Variants in ATR observed in about 807,000 individuals in gnomAD.
ATR encodes ATR checkpoint kinase.
ATR carries 142 observed loss-of-function variants against 305.3 expected under a neutral mutation model. The ratio of observed to expected loss-of-function variants is 0.47; its 90% CI spans 0.41 to 0.53. ATR has a LOEUF of 0.53. Ranked by LOEUF, ATR falls within the 20% of genes least tolerant of loss-of-function variation. ATR has a pLI of 0.00. For synonymous variants in ATR, 1,050 were observed against 1,068.1 expected (o/e 0.98, Z 0.33); for missense variants, 2,135 against 3,133.1 (o/e 0.68, Z 7.60).
intron 30 of ATR, among the ~76,000 whole-genome samples, chr3:142,500,290 AAACTACTTTCAGTT>A (rs1341260478): frequency 6.6e-6 from 1 of 152,208 alleles, no homozygotes; most frequent in Non-Finnish European, 1.5e-5. Context: ...ACCTATTTTT[AAACTACTTTCAGTT>A]AGTTTAAAAT....
In ATR at chr3:142,505,119, C is replaced by G. The variant is rs913030619; in HGVS notation, c.5196+20G>C. ...TTCAGGGCTATTTTCATTACAGTTG[C>G]CTTTCAATTATTATCTTACCTGGTC... On this transcript the variant is annotated intron_variant, in intron 29 of 46. Transcript: ENST00000350721. 1 of 1,613,534 alleles carries G rather than the reference C, an allele frequency of 6.2e-7. No homozygotes were observed. Among genetic ancestry groups the G allele is most frequent in the Non-Finnish European group, 8.5e-7 (1 of 1,179,566 alleles).
intron 10 of ATR, among the ~76,000 whole-genome samples, chr3:142,554,611 T>C (rs182801791): frequency 3.9e-5 from 6 of 152,302 alleles, no homozygotes; most frequent in Admixed American, 3.9e-4. Flanking sequence ...CATTATATGT[T>C]ACCAAGATAA....
Position 142,542,646 on chromosome 3 carries a change from T to G in ATR, c.3450+19A>C, listed in dbSNP as rs780601331. On this transcript the variant is annotated intron_variant, in intron 17 of 46. Coordinates refer to ENST00000350721, the MANE Select transcript of ATR (RefSeq NM_001184.4). ...CTGTATGAATTCTATCTTAGCACTC[T>G]GGAACTATCACCACTTACCATTTTC... is the stretch of plus-strand genomic sequence containing the variant. 2.5e-6 allele frequency: 4 copies of G among 1,590,452 alleles called. No individual in the cohort carries two copies. The South Asian group carries it at 3.3e-5, about 13-fold the overall frequency.
At chr3:142,465,855 A>G in intron 40 of ATR, 1 of 171,394 alleles carries the variant, frequency 5.8e-6, no homozygotes, top group South Asian at 1.4e-4. Context: ...AAATTTAAAA[A>G]ATTAGCTGGG....
chr3:142,473,096 G>A (rs2071334165), intron 36 of ATR, among the ~76,000 whole-genome samples: 1 of 152,044 alleles, frequency 6.6e-6, no homozygotes, highest in East Asian at 1.9e-4. Context: ...GAAGTCTTTT[G>A]GTTTGTATAA....
rs546061194 is a variant in ATR, at chr3:142,503,989, T to C, written c.5197-536A>G. On this transcript the variant is annotated intron_variant, in intron 29 of 46. Coordinates refer to ENST00000350721, the MANE Select transcript of ATR (RefSeq NM_001184.4). Reference sequence around the variant, plus strand: ...TGTTTTAAATATGGATTTCGGGCTTTAGCACTAAAAAGTTAAAGAGGATTA... The same window carrying C: ...TGTTTTAAATATGGATTTCGGGCTTCAGCACTAAAAAGTTAAAGAGGATTA... Among the ~76,000 whole-genome samples, 6 of 152,332 alleles carry C rather than the reference T, an allele frequency of 3.9e-5. No homozygotes were observed. The South Asian group carries it at 1.0e-3, about 26-fold the overall frequency.
chr3:142,535,080 C>T lies in ATR; in HGVS notation c.3945G>A (p.Gln1315=), dbSNP rs1229861169. The T allele has an allele frequency of 6.2e-7, 1 of 1,611,084 alleles. No homozygotes were observed. The highest frequency in any genetic ancestry group is 1.7e-5 in the Admixed American group (1 of 59,852). ...TSLKETLYKN[Q]EKLIKYATDS... is the part of the protein sequence containing the mutation. The stretch of plus-strand genomic sequence containing the variant: ...TTTTAATTATATCATATTAGCATAC[C>T]TGATTTTTATACAAGGTTTCCTTCA... The change falls in exon 21 of 47, where the codon CAG becomes CAA. Residue 1315 remains glutamine, a splice_region_variant and synonymous_variant. Transcript: ENST00000350721.
chr3:142,571,511 T>A (rs544311604), intron 1 of ATR, among the ~76,000 whole-genome samples: 2 of 146,262 alleles, frequency 1.4e-5, no homozygotes, highest in Non-Finnish European at 3.0e-5. Flanking sequence ...AAATAAATAA[T>A]CAAAAGCAAG....
chr3:142,459,283 C>A lies in ATR; in HGVS notation c.7293G>T (p.Arg2431Ser), dbSNP rs773858387. The A allele has an allele frequency of 6.2e-7, 1 of 1,613,850 alleles. No homozygotes were observed. The highest frequency in any genetic ancestry group is 1.1e-5 in the South Asian group (1 of 91,074). The change falls in exon 43 of 47, where the codon AGG becomes AGT. Residue 2431 changes from arginine to serine, a missense_variant. By Grantham distance (110) the Arg-to-Ser change is moderately radical. Transcript: ENST00000350721. Reference sequence around the variant, plus strand: ...ACCACTCATGAAAAATAGGAGGATGCCTGGGCAGGAGAAATTCTCGGAATA... The same window carrying A: ...ACCACTCATGAAAAATAGGAGGATGACTGGGCAGGAGAAATTCTCGGAATA... ...LKVFREFLLPRHPPIFHEWFL... is the reference protein window; with the variant it reads ...LKVFREFLLPSHPPIFHEWFL...
chr3:142,462,763 C>T (rs1039851933), intron 41 of ATR, among the ~76,000 whole-genome samples: 10 of 152,096 alleles, frequency 6.6e-5, no homozygotes, highest in East Asian at 3.9e-4. Context: ...CCACTGTGCC[C>T]GGCCAATTTT....
chr3:142,489,958 C>T (rs1353641989), intron 35 of ATR, among the ~76,000 whole-genome samples: 9 of 152,194 alleles, frequency 5.9e-5, no homozygotes, highest in Admixed American at 5.9e-4. Context: ...TTTTAATTTG[C>T]ATCTTCCTAA....
chr3:142,564,064 A>C (rs1426141260), intron 3 of ATR, among the ~76,000 whole-genome samples: 1 of 152,232 alleles, frequency 6.6e-6, no homozygotes, highest in African/African-American at 2.4e-5. Flanking sequence ...CCACCAGCAC[A>C]AATATTACAA....
In ATR at chr3:142,522,718, C is replaced by A; in HGVS notation, c.4266+10G>T. 1 of 1,589,100 alleles carries A rather than the reference C, an allele frequency of 6.3e-7. No homozygotes were observed. The highest frequency in any genetic ancestry group is 2.2e-5 in the East Asian group (1 of 44,726). ...AATTTAAAGCCAGTAATGACTATAT[C>A]CACTCTTACCTGAATGGCATAGGCA... On this transcript the variant is annotated intron_variant, in intron 23 of 46. Coordinates refer to ENST00000350721, the MANE Select transcript of ATR (RefSeq NM_001184.4).
At position 142,547,761 on chromosome 3, in the gene ATR, A is replaced by T. The variant is rs769595285; in HGVS notation, c.3321T>A (p.Tyr1107Ter). 6.2e-7 allele frequency: 1 copy of T among 1,613,970 alleles called. No homozygotes were observed. The highest frequency in any genetic ancestry group is 8.5e-7 in the Non-Finnish European group (1 of 1,179,930). The change falls in exon 16 of 47, where the codon TAT (tyrosine) becomes TAA (stop). Residue 1107 changes from tyrosine (Y) to a stop codon, truncating the protein, a stop_gained. Coordinates refer to ENST00000350721, the MANE Select transcript of ATR (RefSeq NM_001184.4). LOFTEE classifies it high-confidence loss of function. ...LASFASSDDPYQGPRDIISPE... is the reference protein window; with the variant it reads ...LASFASSDDP ...GTGATATGATATCTCTCGGGCCCTGATATGGATCATCACTGGATGCAAATG... is the reference window on the plus strand; with the variant it reads ...GTGATATGATATCTCTCGGGCCCTGTTATGGATCATCACTGGATGCAAATG...
chr3:142,457,511 C>T (rs2070932029), intron 45 of ATR, 93 bp downstream of exon 45: 1 of 1,470,672 alleles, frequency 6.8e-7, no homozygotes, highest in East Asian at 2.3e-5. Flanking sequence ...TCAGTCAGTA[C>T]AAAGTGGTTT....
At chr3:142,484,331 C>T (rs1577547397) in intron 36 of ATR, among the ~76,000 whole-genome samples, 1 of 152,236 alleles carries the variant, frequency 6.6e-6, no homozygotes, top group African/African-American at 2.4e-5. Context: ...GTCAATCATG[C>T]CCATGTAATA....
In ATR at chr3:142,560,439, G is replaced by A. The variant is rs2108483374; in HGVS notation, c.1365C>T (p.Asp455=). Residue 455 remains aspartate (D), a synonymous_variant, in exon 6 of 47, where the codon GAC becomes GAT. Transcript: ENST00000350721. Reference sequence around the variant, plus strand: ...TCCATAATATGCTCTTTTGGTTCATGTCCACATGTTTAATTCTATAATTAT... The same window carrying A: ...TCCATAATATGCTCTTTTGGTTCATATCCACATGTTTAATTCTATAATTAT... The part of the protein sequence containing the change: ...PKQTEEIKHV[D]MNQKSILWSA... The A allele has an allele frequency of 6.2e-7, 1 of 1,610,438 alleles. No homozygotes were observed. Among genetic ancestry groups the A allele is most frequent in the Non-Finnish European group, 8.5e-7 (1 of 1,176,886 alleles).
intron 42 of ATR, 82 bp downstream of exon 42, chr3:142,461,858 C>CT: frequency 6.9e-7 from 1 of 1,440,532 alleles, no homozygotes; most frequent in Non-Finnish European, 9.7e-7. Context: ...AAAACATATG[C>CT]TAGCATATAT....
chr3:142,514,365 C>T (rs1297589141), intron 25 of ATR, among the ~76,000 whole-genome samples: 1 of 151,930 alleles, frequency 6.6e-6, no homozygotes, highest in East Asian at 1.9e-4. Context: ...CACGGTGGCT[C>T]ACGCCTGTAA....
Sources: allele counts gnomAD v4.1 joint callset (sites outside exome capture counted in the v4.1 genomes callset), GRCh38; gene constraint gnomAD v4.1.1; transcripts MANE v1.5; gene names NCBI Gene and HGNC (gene_info 2026-07-23, HGNC 2026-07-21).